ZFHX3: variants seen among roughly 807,000 people sequenced by gnomAD.
The protein encoded by ZFHX3 is zinc finger homeobox 3.
Under a neutral mutation model 279.1 loss-of-function variants are expected in ZFHX3, and 42 were observed. That is an observed-to-expected ratio of 0.15 (90% CI 0.12 to 0.19). The LOEUF (loss-of-function observed/expected upper bound fraction) is 0.19. Ranked by LOEUF, ZFHX3 falls within the 10% of genes least tolerant of loss-of-function variation. The probability of loss-of-function intolerance (pLI) is 1.00; values close to 1 mark genes in which losing one functional copy is unlikely to be tolerated. For synonymous variants in ZFHX3, 2,293 were observed against 1,957.8 expected (o/e 1.17, Z -4.52); for missense variants, 4,981 against 4,754.0 (o/e 1.05, Z -1.40).
At chr16:73,881,595 T>C (rs1169806392) in intron 1 of ZFHX3, among the ~76,000 whole-genome samples, 1 of 151,480 alleles carries the variant, frequency 6.6e-6, no homozygotes, top group African/African-American at 2.4e-5. Flanking sequence ...GAAATATTGA[T>C]GTTATTAACC....
chr16:72,931,423 A>G (rs1392837641), intron 3 of ZFHX3, among the ~76,000 whole-genome samples: 2 of 142,000 alleles, frequency 1.4e-5, no homozygotes, highest in African/African-American at 2.5e-5. Flanking sequence ...ACACACACAC[A>G]CACACACACA....
intron 4 of ZFHX3, among the ~76,000 whole-genome samples, chr16:73,268,446 A>T (rs2014043525): frequency 6.6e-6 from 1 of 152,116 alleles, no homozygotes; most frequent in Admixed American, 6.5e-5. Context: ...CCCACAGGAG[A>T]CTGACATTTA....
intron 1 of ZFHX3, among the ~76,000 whole-genome samples, chr16:73,835,584 C>T (rs1961124081): frequency 6.7e-6 from 1 of 148,520 alleles, no homozygotes; most frequent in African/African-American, 2.5e-5. Flanking sequence ...GATTCTCCTG[C>T]CTCAGCCTCC....
intron 2 of ZFHX3, among the ~76,000 whole-genome samples, chr16:73,669,678 C>T (rs944832464): frequency 5.3e-5 from 8 of 152,184 alleles, no homozygotes; most frequent in African/African-American, 1.9e-4. Context: ...AGAGGCTTTG[C>T]CTGCTTTTTC....
chr16:73,090,779 TGTGCATCTGTA>T (rs1420538486), intron 8 of ZFHX3, among the ~76,000 whole-genome samples: 3 of 149,894 alleles, frequency 2.0e-5, no homozygotes, highest in Non-Finnish European at 4.4e-5. Flanking sequence ...GGTGTACTGG[TGTGCATCTGTA>T]GTCCTAGCTA....
chr16:73,845,701 C>G (rs1336987468), intron 1 of ZFHX3, among the ~76,000 whole-genome samples: 3 of 152,198 alleles, frequency 2.0e-5, no homozygotes, highest in Non-Finnish European at 2.9e-5. Flanking sequence ...TGGATCAAAA[C>G]CTTCCAGCAA....
chr16:72,874,308 G>A (rs930083941), intron 4 of ZFHX3, among the ~76,000 whole-genome samples: 4 of 144,296 alleles, frequency 2.8e-5, no homozygotes, highest in Admixed American at 1.5e-4. Flanking sequence ...CCGGGTTCAC[G>A]CCATTCTCCT....
intron 3 of ZFHX3, among the ~76,000 whole-genome samples, chr16:72,902,019 G>A (rs1198866794): frequency 6.6e-6 from 1 of 152,194 alleles, no homozygotes; most frequent in Non-Finnish European, 1.5e-5. Context: ...AGCGCAGCCA[G>A]CAAACTCTGT....
intron 2 of ZFHX3, among the ~76,000 whole-genome samples, chr16:73,478,048 G>A (rs1453193689): frequency 1.3e-5 from 2 of 151,964 alleles, no homozygotes; most frequent in Admixed American, 1.3e-4. Context: ...CGAGGCGGGC[G>A]GATCACGAGG....
chr16:73,514,100 T>C (rs1286135052), intron 2 of ZFHX3, among the ~76,000 whole-genome samples: 1 of 151,894 alleles, frequency 6.6e-6, no homozygotes, highest in Admixed American at 6.6e-5. Context: ...TACAAAAAAT[T>C]AGCTGAACAT....
chr16:73,439,935 C>CA (rs796863818), intron 3 of ZFHX3, among the ~76,000 whole-genome samples: 5,820 of 92,840 alleles, frequency 0.063, 443 homozygotes, highest in African/African-American at 0.21. Flanking sequence ...AAAAAAAACA[C>CA]AAAAAAAAAA....
chr16:73,819,434 C>T (rs1055365166), intron 1 of ZFHX3, among the ~76,000 whole-genome samples: 1 of 151,658 alleles, frequency 6.6e-6, no homozygotes, highest in African/African-American at 2.4e-5. Context: ...TGTTGACAAC[C>T]ACTGGGTTAG....
chr16:73,267,271 C>T (rs2014003355), intron 4 of ZFHX3, among the ~76,000 whole-genome samples: 1 of 152,030 alleles, frequency 6.6e-6, no homozygotes, highest in African/African-American at 2.4e-5. Flanking sequence ...TACACATTTC[C>T]TTTGTAACTT....
At chr16:73,025,872 G>A (rs1201389763) in intron 1 of ZFHX3, among the ~76,000 whole-genome samples, 1 of 152,182 alleles carries the variant, frequency 6.6e-6, no homozygotes, top group Non-Finnish European at 1.5e-5. Flanking sequence ...AGCGAAAGAT[G>A]TTCTCTCCGG....
chr16:72,998,265 G>T (rs966324906), intron 1 of ZFHX3, among the ~76,000 whole-genome samples: 12 of 151,966 alleles, frequency 7.9e-5, no homozygotes, highest in Non-Finnish European at 1.6e-4. Flanking sequence ...ACCAGGTGTG[G>T]TGGTGCATGC....
At chr16:73,130,897 C>A (rs1966667461) in intron 7 of ZFHX3, 3 of 1,238,128 alleles carry the variant, frequency 2.4e-6, no homozygotes, top group Admixed American at 2.5e-5. Context: ...GGTGAGCCAA[C>A]ACGCTGGGCC....
chr16:73,127,532 G>C (rs778188750), intron 7 of ZFHX3: 1 of 1,305,524 alleles, frequency 7.7e-7, no homozygotes, highest in Non-Finnish European at 1.0e-6. Flanking sequence ...CCTGAATGCA[G>C]AGATGGGAGG....
intron 2 of ZFHX3, among the ~76,000 whole-genome samples, chr16:73,547,162 A>T (rs1325255141): frequency 6.6e-6 from 1 of 152,104 alleles, no homozygotes; most frequent in Admixed American, 6.5e-5. Flanking sequence ...AAATGCAATG[A>T]TGTTCCTAGC....
intron 3 of ZFHX3, among the ~76,000 whole-genome samples, chr16:73,387,814 T>C (rs1182937456): frequency 1.3e-5 from 2 of 152,090 alleles, no homozygotes; most frequent in African/African-American, 4.8e-5. Context: ...TGGTACTTAC[T>C]GTTCCTTGTT....
Sources: allele counts gnomAD v4.1 joint callset (sites outside exome capture counted in the v4.1 genomes callset), GRCh38; gene constraint gnomAD v4.1.1; transcripts MANE v1.5; gene names NCBI Gene and HGNC (gene_info 2026-07-23, HGNC 2026-07-21).